Variants in SEL1L2 observed in about 807,000 individuals in gnomAD.
SEL1L2 encodes protein sel-1 homolog 2.
Under a neutral mutation model 98.8 loss-of-function variants are expected in SEL1L2, and 89 were observed. The observed-to-expected ratio is 0.90, with a 90% CI of 0.76 to 1.07. The LOEUF (loss-of-function observed/expected upper bound fraction) is 1.07. Among genes scored for constraint, SEL1L2 ranks in the 50% least tolerant of loss-of-function variants. The pLI, the probability that SEL1L2 is intolerant of heterozygous loss-of-function variation, is 0.00. For missense variants in SEL1L2, 788 were observed against 812.0 expected, an observed-to-expected ratio of 0.97 and a Z score of 0.36; for synonymous variants, 262 against 278.5, an observed-to-expected ratio of 0.94 and a Z score of 0.59.
intron 2 of SEL1L2, among the ~76,000 whole-genome samples, chr20:13,936,623 C>A (rs1169835319): frequency 1.3e-5 from 2 of 152,082 alleles, no homozygotes; most frequent in Non-Finnish European, 2.9e-5. Context: ...TCAGCAGCAC[C>A]CATTCCCTAC....
chr20:13,896,983 G>T (rs2047454539), intron 5 of SEL1L2, among the ~76,000 whole-genome samples: 2 of 152,144 alleles, frequency 1.3e-5, no homozygotes, highest in Admixed American at 6.6e-5. Context: ...AAAATGGGAG[G>T]CCTCATATTT....
intron 12 of SEL1L2, among the ~76,000 whole-genome samples, chr20:13,873,239 C>T (rs1302196613): frequency 6.6e-6 from 1 of 152,152 alleles, no homozygotes; most frequent in Non-Finnish European, 1.5e-5. Context: ...ATCCACCAGC[C>T]TCAGCCTCCC....
intron 18 of SEL1L2, among the ~76,000 whole-genome samples, chr20:13,853,832 C>A (rs183541181): frequency 6.6e-6 from 1 of 152,240 alleles, no homozygotes; most frequent in Non-Finnish European, 1.5e-5. Flanking sequence ...TATACAATAA[C>A]GTATATAACA....
At chr20:13,975,893 G>T (rs747491989) in intron 1 of SEL1L2, among the ~76,000 whole-genome samples, 22 of 152,302 alleles carry the variant, frequency 1.4e-4, no homozygotes, top group Non-Finnish European at 4.4e-5. Context: ...TTACTATGTT[G>T]TCCGGGCTAG....
At chr20:13,905,427 C>T (rs2047880441) in intron 5 of SEL1L2, among the ~76,000 whole-genome samples, 1 of 151,424 alleles carries the variant, frequency 6.6e-6, no homozygotes, top group African/African-American at 2.4e-5. Flanking sequence ...CATTCTGCCT[C>T]AACCTCCTGA....
At chr20:13,907,738 C>CT (rs369192916) in intron 5 of SEL1L2, among the ~76,000 whole-genome samples, 2,959 of 103,878 alleles carry the variant, frequency 0.028, 33 homozygotes, top group East Asian at 0.032. Context: ...TTCTTTCTTT[C>CT]TTTCTTTCTT....
intron 17 of SEL1L2, among the ~76,000 whole-genome samples, chr20:13,861,477 T>TTA (rs1301478644): frequency 6.6e-6 from 1 of 151,814 alleles, no homozygotes; most frequent in African/African-American, 2.4e-5. Flanking sequence ...TATGTATATG[T>TTA]TATATATAGT....
At chr20:13,873,110 C>T (rs73612320) in intron 12 of SEL1L2, among the ~76,000 whole-genome samples, 17,032 of 151,588 alleles carry the variant, frequency 0.11, 1,118 homozygotes, top group East Asian at 0.18. Context: ...CATGCCTCAG[C>T]CTCCCAAGTA....
At chr20:13,867,437 A>T (rs964055162) in intron 14 of SEL1L2, among the ~76,000 whole-genome samples, 7 of 152,116 alleles carry the variant, frequency 4.6e-5, no homozygotes, top group African/African-American at 1.7e-4. Flanking sequence ...TAGGCACTTT[A>T]TTTGCAAAAG....
At chr20:13,850,836 A>G (rs538214375) in intron 18 of SEL1L2, among the ~76,000 whole-genome samples, 14 of 152,254 alleles carry the variant, frequency 9.2e-5, no homozygotes, top group East Asian at 3.9e-4. Flanking sequence ...TAGGTCCCCA[A>G]ATTTGTAGTG....
At chr20:13,974,671 G>T (rs1328093355) in intron 1 of SEL1L2, among the ~76,000 whole-genome samples, 5 of 151,672 alleles carry the variant, frequency 3.3e-5, no homozygotes, top group Non-Finnish European at 7.4e-5. Context: ...TAGAGACGGG[G>T]TCTCACCATG....
chr20:13,889,266 G>C (rs148842977), intron 5 of SEL1L2, among the ~76,000 whole-genome samples: 2 of 151,860 alleles, frequency 1.3e-5, no homozygotes, highest in East Asian at 3.9e-4. Context: ...GATTACAGGC[G>C]TGAGCCACCA....
intron 1 of SEL1L2, among the ~76,000 whole-genome samples, chr20:13,956,738 G>T (rs1333177984): frequency 6.6e-6 from 1 of 151,708 alleles, no homozygotes; most frequent in Non-Finnish European, 1.5e-5. Flanking sequence ...ATAATCATTG[G>T]CATATTTATT....
At chr20:13,920,277 G>A (rs2048599703) in intron 3 of SEL1L2, among the ~76,000 whole-genome samples, 1 of 150,954 alleles carries the variant, frequency 6.6e-6, no homozygotes, top group Non-Finnish European at 1.5e-5. Flanking sequence ...CACCTCCCAG[G>A]ACCCTTTCTA....
chr20:13,944,098 A>G (rs2049904174), intron 2 of SEL1L2, among the ~76,000 whole-genome samples: 1 of 152,052 alleles, frequency 6.6e-6, no homozygotes, highest in African/African-American at 2.4e-5. Flanking sequence ...TCTGCCTAGG[A>G]ATTTGTCTGT....
intron 5 of SEL1L2, among the ~76,000 whole-genome samples, chr20:13,890,708 C>A (rs998707477): frequency 1.3e-5 from 2 of 151,916 alleles, no homozygotes; most frequent in African/African-American, 4.8e-5. Flanking sequence ...ACTTACCTAA[C>A]AAATAATTTA....
At chr20:13,968,669 A>C (rs890455606) in intron 1 of SEL1L2, among the ~76,000 whole-genome samples, 1 of 152,236 alleles carries the variant, frequency 6.6e-6, no homozygotes, top group African/African-American at 2.4e-5. Flanking sequence ...AAGGACTTAC[A>C]ATCTGGACAA....
chr20:13,907,782 T>C (rs1448713451), intron 5 of SEL1L2, among the ~76,000 whole-genome samples: 1 of 150,424 alleles, frequency 6.6e-6, no homozygotes, highest in Non-Finnish European at 1.5e-5. Flanking sequence ...TTTTCTTTAT[T>C]TGAGGGACAC....
At chr20:13,932,428 T>C (rs1237937030) in intron 2 of SEL1L2, among the ~76,000 whole-genome samples, 1 of 149,196 alleles carries the variant, frequency 6.7e-6, no homozygotes, top group Non-Finnish European at 1.5e-5. Flanking sequence ...TTATTATTAT[T>C]ATTATTATTA....
Sources: allele counts gnomAD v4.1 joint callset (sites outside exome capture counted in the v4.1 genomes callset), GRCh38; gene constraint gnomAD v4.1.1; transcripts MANE v1.5; gene names NCBI Gene and HGNC (gene_info 2026-07-23, HGNC 2026-07-21).